PLCB4: variants seen among roughly 807,000 people sequenced by gnomAD.
PLCB4 encodes the protein phospholipase C beta 4, also known as 1-phosphatidylinositol 4,5-bisphosphate phosphodiesterase beta-4.
PLCB4 carries 77 observed loss-of-function variants against 178.8 expected under a neutral mutation model. The ratio of observed to expected loss-of-function variants is 0.43; its 90% CI spans 0.36 to 0.52. The LOEUF (loss-of-function observed/expected upper bound fraction) is 0.52. Among genes scored for constraint, PLCB4 ranks in the 20% least tolerant of loss-of-function variants. PLCB4 has a pLI of 0.00. For synonymous variants in PLCB4, 496 were observed against 490.8 expected (o/e 1.01, Z -0.14); for missense variants, 1,024 against 1,453.4 (o/e 0.70, Z 4.80).
intron 3 of PLCB4, among the ~76,000 whole-genome samples, chr20:9,297,035 T>TG (rs2094644806): frequency 6.6e-6 from 1 of 151,864 alleles, no homozygotes; most frequent in Admixed American, 6.6e-5. Flanking sequence ...CAAGATGACT[T>TG]TTACTCTGGA....
chr20:9,244,016 C>T (rs1209171002), intron 3 of PLCB4, among the ~76,000 whole-genome samples: 1 of 152,144 alleles, frequency 6.6e-6, no homozygotes, highest in African/African-American at 2.4e-5. Context: ...GGCCAGAAGC[C>T]ATTGGTGAAT....
intron 18 of PLCB4, among the ~76,000 whole-genome samples, chr20:9,394,800 C>A (rs562016388): frequency 3.9e-5 from 6 of 152,170 alleles, no homozygotes; most frequent in African/African-American, 1.4e-4. Flanking sequence ...AAAGTTCTAC[C>A]ACCTTAGACT....
chr20:9,274,878 T>A (rs115741729), intron 3 of PLCB4, among the ~76,000 whole-genome samples: 33 of 152,176 alleles, frequency 2.2e-4, no homozygotes, highest in African/African-American at 7.7e-4. Flanking sequence ...ACTAATTATT[T>A]GGCCCCTTTC....
chr20:9,068,893 C>A (rs1247391892), upstream of PLCB4: 2 of 151,404 alleles, frequency 1.3e-5, no homozygotes, highest in Non-Finnish European at 2.9e-5. Flanking sequence ...AGACCCCCGC[C>A]CTCAACTGAG....
chr20:9,221,106 T>A (rs1211254305), intron 3 of PLCB4, among the ~76,000 whole-genome samples: 1 of 150,676 alleles, frequency 6.6e-6, no homozygotes, highest in Non-Finnish European at 1.5e-5. Flanking sequence ...AACTAGTGAG[T>A]GGGGGAAGGG....
At chr20:9,197,995 AT>A (rs2093493868) in intron 2 of PLCB4, among the ~76,000 whole-genome samples, 1 of 152,050 alleles carries the variant, frequency 6.6e-6, no homozygotes, top group Non-Finnish European at 1.5e-5. Context: ...AAAATAAAAA[AT>A]AAAAAAAAAA....
Position 9,432,614 on chromosome 20 carries a change from C to T in PLCB4, c.2525-2946C>T, listed in dbSNP as rs6056617. 6.4e-3 allele frequency among the ~76,000 whole-genome samples: 971 copies of T among 152,272 alleles called. 13 individuals are homozygous for T. The highest frequency in any genetic ancestry group is 0.022 in the African/African-American group (917 of 41,542). ...TCACTCTGCCTCATAATGGTGTGGA[C>T]AAGTGGCAAGAAGAGGCATTTGGGA... On this transcript the variant is annotated intron_variant, in intron 28 of 39. Coordinates refer to ENST00000378473, the MANE Select transcript of PLCB4 (RefSeq NM_001377142.1).
In PLCB4 at chr20:9,401,515, C is replaced by G. The variant is rs368947166; in HGVS notation, c.1536C>G (p.Pro512=). The G allele has an allele frequency of 6.2e-7, 1 of 1,613,678 alleles. No homozygotes were observed. Residue 512 remains proline (P), a synonymous_variant, in exon 20 of 40, where the codon CCC becomes CCG. Transcript: ENST00000378473. The part of the protein sequence containing the change: ...ESADQEEEAH[P]EFKFGNELSA... ...CTGACCAAGAGGAGGAAGCTCACCC[C>G]GAATTCAAATTTGGAAATGAACTTT...
At chr20:9,143,460 A>AT (rs1342433994) in intron 2 of PLCB4, among the ~76,000 whole-genome samples, 5 of 152,166 alleles carry the variant, frequency 3.3e-5, no homozygotes, top group African/African-American at 1.2e-4. Context: ...TAAATGTTGA[A>AT]TAAGCAAATA....
At chr20:9,402,652 C>T (rs886558281) in intron 20 of PLCB4, among the ~76,000 whole-genome samples, 4 of 152,066 alleles carry the variant, frequency 2.6e-5, no homozygotes, top group African/African-American at 9.7e-5. Flanking sequence ...CGAGAGTCCC[C>T]GATGGTCAAA....
intron 39 of PLCB4, among the ~76,000 whole-genome samples, chr20:9,478,022 C>A (rs1271051094): frequency 1.3e-5 from 2 of 152,084 alleles, no homozygotes; most frequent in African/African-American, 2.4e-5. Context: ...TTCAAAGCAG[C>A]ATGTCACTAA....
chr20:9,340,849 T>C (rs2033105556), intron 7 of PLCB4, among the ~76,000 whole-genome samples: 1 of 152,176 alleles, frequency 6.6e-6, no homozygotes, highest in African/African-American at 2.4e-5. Flanking sequence ...ACATGAGTTA[T>C]GACGTGGGAA....
intron 3 of PLCB4, among the ~76,000 whole-genome samples, chr20:9,224,294 A>G (rs1211969529): frequency 1.3e-5 from 2 of 152,098 alleles, no homozygotes; most frequent in African/African-American, 4.8e-5. Flanking sequence ...GCACCCTTCT[A>G]TACAGTGGCT....
At chr20:9,154,804 T>C (rs977194170) in intron 2 of PLCB4, among the ~76,000 whole-genome samples, 4 of 146,220 alleles carry the variant, frequency 2.7e-5, no homozygotes, top group Admixed American at 2.7e-4. Flanking sequence ...TTCCTTTCCT[T>C]TCTTTTCCTT....
At chr20:9,359,042 ATT>A (rs2035091281) in intron 7 of PLCB4, among the ~76,000 whole-genome samples, 1 of 152,176 alleles carries the variant, frequency 6.6e-6, no homozygotes, top group Non-Finnish European at 1.5e-5. Flanking sequence ...ATATTTAAAT[ATT>A]GTTTTCATAA....
intron 2 of PLCB4, among the ~76,000 whole-genome samples, chr20:9,111,889 C>T (rs938296319): frequency 3.9e-5 from 6 of 152,034 alleles, no homozygotes; most frequent in Non-Finnish European, 5.9e-5. Context: ...AGTATTTTTT[C>T]CACTATGAAG....
intron 7 of PLCB4, among the ~76,000 whole-genome samples, chr20:9,357,035 G>C (rs1298571146): frequency 6.6e-6 from 1 of 152,040 alleles, no homozygotes; most frequent in Non-Finnish European, 1.5e-5. Flanking sequence ...AAATCATCTG[G>C]ACCCAGGGAG....
intron 2 of PLCB4, among the ~76,000 whole-genome samples, chr20:9,208,816 C>A (rs1241193197): frequency 1.3e-5 from 2 of 152,306 alleles, no homozygotes; most frequent in South Asian, 2.1e-4. Flanking sequence ...GTTGGGATTA[C>A]AGGCGTGAGC....
At chr20:9,271,565 T>A (rs2094402504) in intron 3 of PLCB4, among the ~76,000 whole-genome samples, 2 of 152,156 alleles carry the variant, frequency 1.3e-5, no homozygotes, top group Non-Finnish European at 2.9e-5. Flanking sequence ...TATACATGAA[T>A]TATGTGCATC....
Sources: gnomAD v4.1 joint callset for allele counts (sites outside exome capture counted in the v4.1 genomes callset) on GRCh38, gnomAD v4.1.1 for gene constraint, MANE v1.5 for transcripts, NCBI Gene and HGNC (gene_info 2026-07-23, HGNC 2026-07-21) for gene names.